ZC4H2: variants seen among roughly 807,000 people sequenced by gnomAD.
ZC4H2 encodes zinc finger C4H2 domain-containing protein.
For synonymous variants in ZC4H2, 84 were observed against 66.3 expected (o/e 1.27, Z -1.30); for missense variants, 137 against 173.9 (o/e 0.79, Z 1.19).
chrX:65,020,427 A>C (rs1450822324), intron 1 of ZC4H2, among the ~76,000 whole-genome samples: 3 of 111,908 alleles, frequency 2.7e-5, no homozygotes, highest in African/African-American at 9.8e-5. Flanking sequence ...TTTCATATCC[A>C]GTCAAACTAA....
chrX:64,918,570 G>C (rs1929034691), intron 4 of ZC4H2: 1 of 114,138 alleles, frequency 8.8e-6, no homozygotes, highest in Non-Finnish European at 1.8e-5. Context: ...AATTACTTCT[G>C]TTTGGAAGAA....
intron 1 of ZC4H2, among the ~76,000 whole-genome samples, chrX:64,972,419 C>A (rs58567917): frequency 0.015 from 1,729 of 111,601 alleles, 22 homozygotes; most frequent in African/African-American, 0.045. Flanking sequence ...TTAGATGATG[C>A]TGCTGTCATC....
chrX:64,942,077 A>G (rs1602401361), intron 1 of ZC4H2, among the ~76,000 whole-genome samples: 1 of 111,245 alleles, frequency 9.0e-6, no homozygotes, highest in East Asian at 2.8e-4. Context: ...AGAAGTTGTT[A>G]TTGGTGTAAT....
intron 1 of ZC4H2, among the ~76,000 whole-genome samples, chrX:65,027,640 G>A (rs757926799): frequency 1.5e-4 from 17 of 111,326 alleles, no homozygotes; most frequent in Admixed American, 1.4e-3. Context: ...CCCAGAGAGG[G>A]ACAATAGGAC....
chrX:64,946,965 TA>T (rs1216325671), intron 1 of ZC4H2, among the ~76,000 whole-genome samples: 1 of 111,793 alleles, frequency 8.9e-6, no homozygotes, highest in Non-Finnish European at 1.9e-5. Flanking sequence ...TCTTCTGTTA[TA>T]ATGTAAGCAT....
At chrX:64,945,954 C>G (rs1478194913) in intron 1 of ZC4H2, among the ~76,000 whole-genome samples, 1 of 110,954 alleles carries the variant, frequency 9.0e-6, no homozygotes, top group African/African-American at 3.3e-5. Flanking sequence ...CATCCCAGGT[C>G]AACTTCAGAC....
intron 1 of ZC4H2, among the ~76,000 whole-genome samples, chrX:64,936,721 G>C (rs1444258584): frequency 3.6e-5 from 4 of 111,700 alleles, no homozygotes; most frequent in Non-Finnish European, 7.5e-5. Context: ...ACAAGCAAAT[G>C]CTGAGAGATT....
chrX:64,996,878 T>C (rs1368233639), intron 1 of ZC4H2, among the ~76,000 whole-genome samples: 3 of 110,809 alleles, frequency 2.7e-5, no homozygotes, highest in Non-Finnish European at 5.7e-5. Flanking sequence ...ACATACAAAT[T>C]TGGGAATCCT....
chrX:64,941,787 C>T (rs1023572473), intron 1 of ZC4H2, among the ~76,000 whole-genome samples: 12 of 111,671 alleles, frequency 1.1e-4, no homozygotes, highest in Non-Finnish European at 2.3e-4. Context: ...CTGCTGGATT[C>T]GGTTTGCCAG....
At chrX:65,031,098 C>T (rs1342527361) in intron 1 of ZC4H2, among the ~76,000 whole-genome samples, 2 of 111,422 alleles carry the variant, frequency 1.8e-5, no homozygotes, top group Non-Finnish European at 3.8e-5. Flanking sequence ...TAACAAGTAT[C>T]ATGAAAAATT....
At chrX:65,013,513 C>T (rs1932778199) in intron 1 of ZC4H2, among the ~76,000 whole-genome samples, 1 of 111,234 alleles carries the variant, frequency 9.0e-6, no homozygotes, top group African/African-American at 3.3e-5. Flanking sequence ...TTTTTTTTAG[C>T]TTGCAGGCCT....
intron 1 of ZC4H2, among the ~76,000 whole-genome samples, chrX:64,950,217 T>G (rs961834081): frequency 8.9e-6 from 1 of 111,807 alleles, no homozygotes; most frequent in Non-Finnish European, 1.9e-5. Context: ...GAGAGACAGT[T>G]TGTTATAATT....
chrX:64,955,101 T>G (rs1931102180), intron 1 of ZC4H2, among the ~76,000 whole-genome samples: 1 of 111,782 alleles, frequency 8.9e-6, no homozygotes, highest in Non-Finnish European at 1.9e-5. Flanking sequence ...TGATCCAAAT[T>G]AATTATATAT....
chrX:64,968,416 C>G (rs1318967307), intron 1 of ZC4H2, among the ~76,000 whole-genome samples: 1 of 111,076 alleles, frequency 9.0e-6, no homozygotes, highest in Non-Finnish European at 1.9e-5. Context: ...GAATTCTTGT[C>G]CTGGCTCAGT....
At chrX:64,924,887 T>A (rs1198688886) in intron 1 of ZC4H2, among the ~76,000 whole-genome samples, 1 of 111,156 alleles carries the variant, frequency 9.0e-6, no homozygotes, top group Non-Finnish European at 1.9e-5. Flanking sequence ...GAGTTGGGAC[T>A]TTTATCCTCA....
intron 1 of ZC4H2, among the ~76,000 whole-genome samples, chrX:64,948,098 T>C (rs768369625): frequency 8.9e-6 from 1 of 111,758 alleles, no homozygotes; most frequent in South Asian, 3.8e-4. Context: ...ATTGTGTCGT[T>C]TGATCTATCA....
intron 3 of ZC4H2, 77 bp downstream of exon 3, chrX:64,920,004 G>A (rs925722318): frequency 4.6e-5 from 47 of 1,031,552 alleles, no homozygotes; most frequent in Admixed American, 1.1e-4. Context: ...ATACCTGCCC[G>A]TGTGTGTGTA....
At chrX:64,919,300 G>A in intron 3 of ZC4H2, 96 bp from the exon 4 acceptor site, 2 of 1,027,134 alleles carry the variant, frequency 1.9e-6, no homozygotes, top group Non-Finnish European at 2.7e-6. Context: ...GGGTTGAGCT[G>A]TGGCTCATTC....
intron 1 of ZC4H2, among the ~76,000 whole-genome samples, chrX:65,001,892 C>G (rs1377023991): frequency 8.9e-6 from 1 of 111,846 alleles, no homozygotes; most frequent in Admixed American, 9.4e-5. Context: ...GAAGAGCTAA[C>G]TATCCTAAAT....
Sources: allele counts gnomAD v4.1 joint callset (sites outside exome capture counted in the v4.1 genomes callset), GRCh38; gene constraint gnomAD v4.1.1; transcripts MANE v1.5; gene names NCBI Gene and HGNC (gene_info 2026-07-23, HGNC 2026-07-21).